The following CTNNA2 variants were observed in gnomAD, a reference collection of about 807,000 sequenced individuals.
CTNNA2 encodes the protein catenin alpha 2.
Under a neutral mutation model 101.0 loss-of-function variants are expected in CTNNA2, and 42 were observed. The observed-to-expected ratio is 0.42, with a 90% CI of 0.32 to 0.54. CTNNA2 has a LOEUF of 0.54. CTNNA2 is among the 20% of genes least tolerant of loss of function. The pLI, the probability that CTNNA2 is intolerant of heterozygous loss-of-function variation, is 0.14. For synonymous variants in CTNNA2, 450 were observed against 456.4 expected, an observed-to-expected ratio of 0.99 and a Z score of 0.18; for missense variants, 871 against 1,223.1, an observed-to-expected ratio of 0.71 and a Z score of 4.29.
chr2:80,303,638 GGC>G lies in CTNNA2; in HGVS notation c.1057-89570_1057-89569del. The stretch of plus-strand genomic sequence containing the variant: ...GCCCAGCAGGCCGGACAGGTTGTGG[GGC>G]GCCTCGGTGAGGTTGAGCGCCTCGC... On this transcript the variant is annotated intron_variant, in intron 7 of 18. Transcript: ENST00000402739. The surrounding 1 kb of genome is among the most constrained non-coding windows in gnomAD (Gnocchi z 7.7). 6.2e-7 allele frequency: 1 copy of G among 1,613,682 alleles called. No individual in the cohort carries two copies. The highest frequency in any genetic ancestry group is 8.5e-7 in the Non-Finnish European group (1 of 1,179,750).
intron 4 of CTNNA2, among the ~76,000 whole-genome samples, chr2:79,420,626 T>C (rs1678531690): frequency 6.6e-6 from 1 of 152,202 alleles, no homozygotes; most frequent in Admixed American, 6.5e-5. Context: ...TTAATTTCTG[T>C]GCCTTAGTTT....
intron 2 of CTNNA2, among the ~76,000 whole-genome samples, chr2:79,226,662 T>G (rs2104231140): frequency 6.6e-6 from 1 of 152,324 alleles, no homozygotes; most frequent in Admixed American, 6.5e-5. Context: ...CAATAGTCCA[T>G]TTATTCTTTG....
At chr2:80,221,303 A>G (rs1428053567) in intron 7 of CTNNA2, among the ~76,000 whole-genome samples, 2 of 152,214 alleles carry the variant, frequency 1.3e-5, no homozygotes, top group Non-Finnish European at 2.9e-5. Context: ...TCTTACTGGG[A>G]CAAATGTTGG....
chr2:79,244,106 C>G (rs1056549703), intron 2 of CTNNA2, among the ~76,000 whole-genome samples: 1 of 152,154 alleles, frequency 6.6e-6, no homozygotes, highest in East Asian at 1.9e-4. Context: ...TGGGGAATTA[C>G]TCACCTACTC....
chr2:79,294,217 A>G (rs543670043), intron 2 of CTNNA2, among the ~76,000 whole-genome samples: 1 of 145,158 alleles, frequency 6.9e-6, no homozygotes, highest in South Asian at 2.2e-4. Context: ...AAGAAGAGGA[A>G]GAAGAAGAAG....
intron 1 of CTNNA2, among the ~76,000 whole-genome samples, chr2:79,631,162 C>A (rs555861885): frequency 6.6e-6 from 1 of 152,122 alleles, no homozygotes; most frequent in Non-Finnish European, 1.5e-5. Context: ...AGAGGCTTTC[C>A]TTTCCTCTGT....
At chr2:79,248,815 G>C (rs181302856) in intron 2 of CTNNA2, among the ~76,000 whole-genome samples, 1 of 152,294 alleles carries the variant, frequency 6.6e-6, no homozygotes, top group East Asian at 1.9e-4. Flanking sequence ...CAGGAATACA[G>C]CAAGGCTGTA....
intron 9 of CTNNA2, among the ~76,000 whole-genome samples, chr2:80,530,562 A>G (rs2149593711): frequency 6.6e-6 from 1 of 152,326 alleles, no homozygotes; most frequent in African/African-American, 2.4e-5. Flanking sequence ...AACGTTGTTC[A>G]TAAGTGGTAT....
At chr2:80,441,152 T>C (rs966430737) in intron 9 of CTNNA2, among the ~76,000 whole-genome samples, 38 of 152,212 alleles carry the variant, frequency 2.5e-4, no homozygotes, top group Non-Finnish European at 5.4e-4. Flanking sequence ...AAGTAAATCC[T>C]ACATGGTGGG....
At chr2:80,090,146 CTGTGTGTGTGTGTGTGTGTGTGTG>C (rs35203371) in intron 7 of CTNNA2, among the ~76,000 whole-genome samples, 2 of 140,626 alleles carry the variant, frequency 1.4e-5, no homozygotes, top group African/African-American at 5.2e-5. Context: ...CTCTCTCTCT[CTGTGTGTGTGTGTGTGTGTGTGTG>C]TGTGTGTGTG....
chr2:80,574,290 C>T lies in CTNNA2; in HGVS notation c.1869C>T (p.Ile623=), dbSNP rs1218663585. 1 of 1,612,704 alleles carries T rather than the reference C, an allele frequency of 6.2e-7. No individual in the cohort carries two copies. Among genetic ancestry groups the T allele is most frequent in the Non-Finnish European group, 8.5e-7 (1 of 1,178,964 alleles). The stretch of plus-strand genomic sequence containing the variant: ...TGGTGTATGATGGCGTTCGGGACAT[C>T]AGAAAGGCTGTGCTGATGATCAGGG... ...SRLVYDGVRD[I]RKAVLMIRTP... is the part of the protein sequence containing the mutation. The change falls in exon 13 of 19, where the codon ATC becomes ATT. Residue 623 remains isoleucine (I), a synonymous_variant. Coordinates refer to ENST00000402739, the MANE Select transcript of CTNNA2 (RefSeq NM_001282597.3).
chr2:80,351,146 A>T lies in CTNNA2; in HGVS notation c.1057-42065A>T, dbSNP rs889043735. Among the ~76,000 whole-genome samples the T allele has an allele frequency of 2.6e-5, 4 of 152,266 alleles. 1 individual carries two copies. The highest frequency in any genetic ancestry group is 1.3e-4 in the Admixed American group (2 of 15,276). On this transcript the variant is annotated intron_variant, in intron 7 of 18. Coordinates refer to ENST00000402739, the MANE Select transcript of CTNNA2 (RefSeq NM_001282597.3). ...AAACAGATTCCTACTATAGCAAGTG[A>T]GATGCAGGTTAAAAATGAAACACAT...
chr2:80,414,576 T>G (rs539324294), intron 8 of CTNNA2, among the ~76,000 whole-genome samples: 1 of 152,296 alleles, frequency 6.6e-6, no homozygotes, highest in African/African-American at 2.4e-5. Flanking sequence ...CAAAGAATAC[T>G]TTCCTCCCGA....
chr2:79,725,245 A>G (rs927842036), intron 2 of CTNNA2, among the ~76,000 whole-genome samples: 1 of 152,232 alleles, frequency 6.6e-6, no homozygotes, highest in African/African-American at 2.4e-5. Flanking sequence ...AAAATAAAAG[A>G]TGATCAGGCC....
intron 2 of CTNNA2, among the ~76,000 whole-genome samples, chr2:79,286,486 A>T (rs1250768161): frequency 6.6e-6 from 1 of 151,310 alleles, no homozygotes; most frequent in Non-Finnish European, 1.5e-5. Context: ...TTGTCTGTAA[A>T]GTATTTTATT....
intron 2 of CTNNA2, among the ~76,000 whole-genome samples, chr2:79,733,676 C>G (rs969626752): frequency 1.3e-5 from 2 of 152,024 alleles, no homozygotes; most frequent in African/African-American, 4.8e-5. Context: ...GGTGGTGGTA[C>G]AAGTGTAAGT....
intron 11 of CTNNA2, among the ~76,000 whole-genome samples, chr2:80,554,309 A>T (rs1276712094): frequency 2.0e-5 from 3 of 152,186 alleles, no homozygotes; most frequent in East Asian, 1.9e-4. Flanking sequence ...TTTTATTTTA[A>T]CTATTTATGA....
intron 4 of CTNNA2, among the ~76,000 whole-genome samples, chr2:79,860,372 C>T (rs748736023): frequency 6.6e-6 from 1 of 152,028 alleles, no homozygotes; most frequent in African/African-American, 2.4e-5. Context: ...ACTCCACACT[C>T]GAGAAGTGTG....
At chr2:79,563,626 A>C (rs1573355187) in intron 1 of CTNNA2, among the ~76,000 whole-genome samples, 1 of 152,250 alleles carries the variant, frequency 6.6e-6, no homozygotes, top group African/African-American at 2.4e-5. Context: ...AGACATATAA[A>C]ATTTTATGCT....
Sources: allele counts gnomAD v4.1 joint callset (sites outside exome capture counted in the v4.1 genomes callset), GRCh38; gene constraint gnomAD v4.1.1; non-coding constraint Gnocchi (gnomAD v3.1); transcripts MANE v1.5; gene names NCBI Gene and HGNC (gene_info 2026-07-23, HGNC 2026-07-21).